Variants in CNTNAP2 observed in about 807,000 individuals in gnomAD.
The protein encoded by CNTNAP2 is contactin-associated protein-like 2.
CNTNAP2 carries 98 observed loss-of-function variants against 155.2 expected under a neutral mutation model. The observed-to-expected ratio is 0.63, with a 90% CI of 0.54 to 0.75. The LOEUF (loss-of-function observed/expected upper bound fraction) is 0.75. Ranked by LOEUF, CNTNAP2 falls within the 30% of genes least tolerant of loss-of-function variation. The pLI, the probability that CNTNAP2 is intolerant of heterozygous loss-of-function variation, is 0.00. For missense variants in CNTNAP2, 1,727 were observed against 1,688.1 expected (o/e 1.02, Z -0.40); for synonymous variants, 651 against 631.2 (o/e 1.03, Z -0.47).
chr7:146,643,413 G>A (rs1033007073), intron 1 of CNTNAP2, among the ~76,000 whole-genome samples: 18 of 152,040 alleles, frequency 1.2e-4, no homozygotes, highest in Non-Finnish European at 8.8e-5. Context: ...TTATTAAATA[G>A]GGAATCCTTT....
chr7:148,369,236 T>C (rs1306376943), intron 21 of CNTNAP2, among the ~76,000 whole-genome samples: 1 of 118,936 alleles, frequency 8.4e-6, no homozygotes, highest in African/African-American at 3.2e-5. Flanking sequence ...AGTGCCTCTA[T>C]TGCCCAGGCT....
chr7:147,011,319 T>C (rs569280811), intron 3 of CNTNAP2, among the ~76,000 whole-genome samples: 6 of 144,938 alleles, frequency 4.1e-5, no homozygotes, highest in Non-Finnish European at 7.4e-5. Context: ...AAGGCTAAGG[T>C]AGGAGAATCA....
chr7:147,008,561 A>C (rs971753987), intron 3 of CNTNAP2, among the ~76,000 whole-genome samples: 1 of 152,108 alleles, frequency 6.6e-6, no homozygotes. Context: ...ACAAAATAAA[A>C]AAAACAGGAG....
chr7:146,337,311 AAAAC>A (rs1235350399), intron 1 of CNTNAP2, among the ~76,000 whole-genome samples: 3 of 152,068 alleles, frequency 2.0e-5, no homozygotes, highest in Admixed American at 1.3e-4. Context: ...TAAAAAAAAA[AAAAC>A]AAACTACGTA....
At chr7:146,793,522 T>A (rs1037453243) in intron 2 of CNTNAP2, among the ~76,000 whole-genome samples, 2 of 152,178 alleles carry the variant, frequency 1.3e-5, no homozygotes, top group African/African-American at 4.8e-5. Context: ...GGCTAAGAGA[T>A]GGCAGAATTA....
intron 10 of CNTNAP2, among the ~76,000 whole-genome samples, chr7:147,427,698 T>C (rs1797402353): frequency 6.6e-6 from 1 of 152,170 alleles, no homozygotes; most frequent in South Asian, 2.1e-4. Context: ...AAGTACTAAC[T>C]AAAAATAGAT....
At chr7:147,154,899 T>G (rs1338016981) in intron 8 of CNTNAP2, among the ~76,000 whole-genome samples, 1 of 152,110 alleles carries the variant, frequency 6.6e-6, no homozygotes, top group Admixed American at 6.5e-5. Flanking sequence ...CATTATATAT[T>G]GTTGTAATTA....
intron 11 of CNTNAP2, among the ~76,000 whole-genome samples, chr7:147,499,538 A>G (rs1004363042): frequency 2.0e-5 from 3 of 152,098 alleles, no homozygotes; most frequent in African/African-American, 4.8e-5. Flanking sequence ...CAAAAAAAAA[A>G]TACCGATATA....
intron 1 of CNTNAP2, among the ~76,000 whole-genome samples, chr7:146,550,618 A>G (rs1480761585): frequency 6.6e-6 from 1 of 151,760 alleles, no homozygotes; most frequent in Non-Finnish European, 1.5e-5. Flanking sequence ...GTGTATTATG[A>G]CTATAGCTTG....
intron 21 of CNTNAP2, among the ~76,000 whole-genome samples, chr7:148,349,611 C>T (rs1264313115): frequency 6.6e-6 from 1 of 152,060 alleles, no homozygotes; most frequent in Non-Finnish European, 1.5e-5. Context: ...CTGCGTTAGA[C>T]AGGATGGTCT....
intron 1 of CNTNAP2, among the ~76,000 whole-genome samples, chr7:146,594,918 A>G (rs1458783929): frequency 1.3e-5 from 2 of 152,120 alleles, no homozygotes; most frequent in Non-Finnish European, 1.5e-5. Context: ...GACAACGCTG[A>G]CCCTGGAGTT....
intron 12 of CNTNAP2, among the ~76,000 whole-genome samples, chr7:147,622,142 T>C (rs1474284062): frequency 6.6e-6 from 1 of 151,910 alleles, no homozygotes; most frequent in Non-Finnish European, 1.5e-5. Context: ...ATAAAGCAAA[T>C]ATTATTAGAG....
chr7:148,370,441 G>A (rs921233362), intron 21 of CNTNAP2, among the ~76,000 whole-genome samples: 1 of 152,150 alleles, frequency 6.6e-6, no homozygotes, highest in African/African-American at 2.4e-5. Flanking sequence ...TCAGTCAGGT[G>A]ACTTTACTCC....
At chr7:146,632,849 G>T (rs1176251814) in intron 1 of CNTNAP2, among the ~76,000 whole-genome samples, 4 of 151,654 alleles carry the variant, frequency 2.6e-5, no homozygotes, top group Non-Finnish European at 4.4e-5. Flanking sequence ...TATAGTAAAA[G>T]ATTTATTGCT....
chr7:147,202,851 TA>T (rs11321167), intron 8 of CNTNAP2, among the ~76,000 whole-genome samples: 66,859 of 148,304 alleles, frequency 0.45, 15,649 homozygotes, highest in South Asian at 0.62. Flanking sequence ...AAAGTATAAT[TA>T]AAAAAAAATA....
At chr7:147,347,518 C>T (rs7805196) in intron 9 of CNTNAP2, among the ~76,000 whole-genome samples, 59,361 of 140,384 alleles carry the variant, frequency 0.42, 13,076 homozygotes, top group Non-Finnish European at 0.46. Context: ...GTGTGTGTAG[C>T]GTTTATTCCA....
intron 4 of CNTNAP2, among the ~76,000 whole-genome samples, chr7:147,090,339 GTGTGTGTGTGTGTT>G (rs1285169951): frequency 6.6e-6 from 1 of 151,848 alleles, no homozygotes; most frequent in Non-Finnish European, 1.5e-5. Context: ...GTGTGTGTGT[GTGTGTGTGTGTGTT>G]ACAATTCTCT....
rs1178516389 is a variant in CNTNAP2 at position 146,278,286 on chromosome 7, A to G, written c.97+161313A>G. Among the ~76,000 whole-genome samples the G allele has an allele frequency of 2.0e-5, 3 of 152,342 alleles. No homozygotes were observed. In the South Asian group the frequency reaches 6.2e-4, roughly 32 times the overall value. On this transcript the variant is annotated intron_variant, in intron 1 of 23. Transcript: ENST00000361727. ...CATTTCTTCTTCCCAATCTTTTGAC[A>G]AAGTAAACATTTGAAATTCTGAGTG...
intron 2 of CNTNAP2, among the ~76,000 whole-genome samples, chr7:146,834,819 C>A (rs1022830413): frequency 2.6e-5 from 4 of 152,132 alleles, no homozygotes; most frequent in African/African-American, 7.2e-5. Flanking sequence ...TCTTATATAC[C>A]ACATTCCAGA....
Sources: gnomAD v4.1 joint callset for allele counts (sites outside exome capture counted in the v4.1 genomes callset) on GRCh38, gnomAD v4.1.1 for gene constraint, MANE v1.5 for transcripts, NCBI Gene and HGNC (gene_info 2026-07-23, HGNC 2026-07-21) for gene names.